PRH1: variants seen among roughly 807,000 people sequenced by gnomAD.
PRH1 encodes the protein salivary acidic proline-rich phosphoprotein 1/2.
A neutral mutation model predicts 7.9 loss-of-function variants in PRH1; 7 were observed. The ratio of observed to expected loss-of-function variants is 0.89; its 90% CI spans 0.50 to 1.67. The LOEUF is 1.67. PRH1 is among the 40% of genes most tolerant of loss of function. PRH1 has a pLI of 0.00. For missense variants in PRH1, 109 were observed against 223.6 expected (o/e 0.49, Z 3.27); for synonymous variants, 45 against 80.8 (o/e 0.56, Z 2.38).
chr12:11,161,027 T>G (rs535759486), intron 1 of PRH1, among the ~76,000 whole-genome samples: 1 of 152,328 alleles, frequency 6.6e-6, no homozygotes, highest in Admixed American at 6.5e-5. Context: ...AGATGCAATG[T>G]GACTAAAAGC....
chr12:10,986,693 A>G, intron 1 of PRH1: 1 of 1,612,490 alleles, frequency 6.2e-7, no homozygotes, highest in Non-Finnish European at 8.5e-7. Context: ...AGAGCAAACC[A>G]ATTCTGGAGA....
intron 1 of PRH1, among the ~76,000 whole-genome samples, chr12:11,056,999 C>T (rs1309951929): frequency 6.6e-6 from 1 of 151,366 alleles, no homozygotes; most frequent in Admixed American, 6.6e-5. Flanking sequence ...CCAGTAAGAA[C>T]TTTCACTTTT....
intron 1 of PRH1, among the ~76,000 whole-genome samples, chr12:11,032,677 C>G (rs1219520023): frequency 6.6e-6 from 1 of 152,076 alleles, no homozygotes; most frequent in Admixed American, 6.6e-5. Context: ...ATTCTTAGGA[C>G]TTGGTAAAGT....
At chr12:10,986,256 A>T in intron 1 of PRH1, 1 of 1,614,138 alleles carries the variant, frequency 6.2e-7, no homozygotes, top group Non-Finnish European at 8.5e-7. Context: ...ATGTTTACAC[A>T]GAGAACAGAT....
At chr12:10,917,173 G>C (rs1465449620) in intron 2 of PRH1, among the ~76,000 whole-genome samples, 2 of 152,120 alleles carry the variant, frequency 1.3e-5, no homozygotes, top group Non-Finnish European at 1.5e-5. Flanking sequence ...TGAGGTCATT[G>C]AAGCAGATAT....
intron 1 of PRH1, among the ~76,000 whole-genome samples, chr12:11,140,734 T>C (rs937936892): frequency 5.9e-5 from 9 of 152,296 alleles, no homozygotes; most frequent in African/African-American, 2.2e-4. Flanking sequence ...TGTTCTGCAA[T>C]TTTTTCCTTG....
At chr12:10,938,842 T>G in intron 2 of PRH1, 1 of 1,613,596 alleles carries the variant, frequency 6.2e-7, no homozygotes, top group Non-Finnish European at 8.5e-7. Context: ...CCCTCCACTT[T>G]AGGTAGAGAA....
intron 2 of PRH1, among the ~76,000 whole-genome samples, chr12:10,905,948 G>C (rs11054070): frequency 0.093 from 14,171 of 152,080 alleles, 842 homozygotes; most frequent in East Asian, 0.22. Flanking sequence ...GTTTTTTGTG[G>C]GGACCATATG....
At chr12:10,986,508 A>C (rs1215426949) in intron 1 of PRH1, 1 of 1,614,118 alleles carries the variant, frequency 6.2e-7, no homozygotes, top group Non-Finnish European at 8.5e-7. Flanking sequence ...TAAATGAAGA[A>C]AAAGAAGGTT....
intron 2 of PRH1, among the ~76,000 whole-genome samples, chr12:10,957,777 A>G (rs932955470): frequency 5.3e-5 from 8 of 152,188 alleles, no homozygotes; most frequent in African/African-American, 1.9e-4. Context: ...TTTCAAGTGA[A>G]GACATACACT....
At chr12:11,119,324 A>T (rs1336907015), downstream of PRH1, among the ~76,000 whole-genome samples, 1 of 152,144 alleles carries the variant, frequency 6.6e-6, no homozygotes, top group African/African-American at 2.4e-5. Context: ...ACCAAAAAAA[A>T]AAAATAGAAA....
At chr12:10,935,166 C>T (rs1408890762) in intron 2 of PRH1, among the ~76,000 whole-genome samples, 1 of 151,998 alleles carries the variant, frequency 6.6e-6, no homozygotes, top group Non-Finnish European at 1.5e-5. Context: ...TGCAAGTTCC[C>T]GTATACACAC....
At chr12:11,020,743 T>C (rs975388298) in intron 1 of PRH1, among the ~76,000 whole-genome samples, 3 of 99,760 alleles carry the variant, frequency 3.0e-5, no homozygotes, top group Admixed American at 1.2e-4. Flanking sequence ...TACCCTCCTT[T>C]GATTGGCCTG....
chr12:11,032,773 A>G (rs1021823600), intron 1 of PRH1, among the ~76,000 whole-genome samples: 2 of 152,216 alleles, frequency 1.3e-5, no homozygotes, highest in African/African-American at 4.8e-5. Context: ...CCTTTGATAT[A>G]TAATCCTGCA....
chr12:11,070,744 C>T (rs1302651809), intron 1 of PRH1, among the ~76,000 whole-genome samples: 3 of 119,252 alleles, frequency 2.5e-5, no homozygotes, highest in Admixed American at 1.7e-4. Context: ...CCTGAACTAA[C>T]ACTAATTATC....
At chr12:10,925,158 T>C (rs1048486191) in intron 2 of PRH1, among the ~76,000 whole-genome samples, 2 of 152,198 alleles carry the variant, frequency 1.3e-5, no homozygotes, top group Non-Finnish European at 2.9e-5. Context: ...CTTTCACTTA[T>C]TAAACTTTTG....
At chr12:11,039,106 C>G (rs1382206738) in intron 1 of PRH1, among the ~76,000 whole-genome samples, 1 of 152,188 alleles carries the variant, frequency 6.6e-6, no homozygotes, top group Non-Finnish European at 1.5e-5. Flanking sequence ...TAAAAATAGT[C>G]TACAAGCTTA....
Position 11,082,996 on chromosome 12 carries a change from ATCTT to A in PRH1, n.124-35812_124-35809del, listed in dbSNP as rs1258452806. Among the ~76,000 whole-genome samples the A allele has an allele frequency of 1.6e-4, 19 of 117,148 alleles. 6 individuals carry two copies. The highest frequency in any genetic ancestry group is 3.7e-4 in the African/African-American group (13 of 34,982). 76.9% of individuals were successfully genotyped at this position (117,148 alleles called of 152,430 possible). On this transcript the variant is annotated intron_variant and non_coding_transcript_variant, in intron 1 of 4. Transcript: ENST00000541977. ...ATATGTTTTAAGGCTTAACAAAATT[ATCTT>A]TCTATGAATTTTTCTTGAATATTCA...
In PRH1 at chr12:10,981,033, C is replaced by A. The variant is rs75280261; in HGVS notation, c.-125-7312G>T. Among the ~76,000 whole-genome samples the A allele has an allele frequency of 4.5e-4, 68 of 152,096 alleles. 1 individual carries two copies. The East Asian group carries it at 0.012, about 26-fold the overall frequency. On this transcript the variant is annotated intron_variant, in intron 1 of 3. Coordinates refer to the PRH1 transcript ENST00000539853. ...GGGGAAAGAGTTGAAAAAGCTGATT[C>A]CTGAGGTCAGCCTTTAACATTGAAA...
Sources: allele counts gnomAD v4.1 joint callset (sites outside exome capture counted in the v4.1 genomes callset), GRCh38; gene constraint gnomAD v4.1.1; transcripts MANE v1.5; gene names NCBI Gene and HGNC (gene_info 2026-07-23, HGNC 2026-07-21).